AFF3: variants seen among roughly 807,000 people sequenced by gnomAD.
AFF3 encodes ALF transcription elongation factor 3, also known as AF4/FMR2 family member 3.
AFF3 carries 32 observed loss-of-function variants against 129.7 expected under a neutral mutation model. The ratio of observed to expected loss-of-function variants is 0.25; its 90% CI spans 0.19 to 0.33. The LOEUF is 0.33. Among genes scored for constraint, AFF3 ranks in the 10% least tolerant of loss-of-function variants. AFF3 has a pLI of 1.00. For missense variants in AFF3, 1,373 were observed against 1,592.0 expected (o/e 0.86, Z 2.34); for synonymous variants, 644 against 635.4 (o/e 1.01, Z -0.20).
intron 4 of AFF3, among the ~76,000 whole-genome samples, chr2:100,026,179 C>CAACA (rs1181177781): frequency 6.6e-6 from 1 of 151,952 alleles, no homozygotes; most frequent in Non-Finnish European, 1.5e-5. Flanking sequence ...CTAGAATCTA[C>CAACA]AACAAACAAA....
At chr2:99,711,929 G>A (rs985390446) in intron 11 of AFF3, among the ~76,000 whole-genome samples, 4 of 152,168 alleles carry the variant, frequency 2.6e-5, no homozygotes, top group South Asian at 2.1e-4. Flanking sequence ...TCAGAAAAAC[G>A]TTGGCACCTG....
chr2:100,018,032 G>A (rs62149317), intron 4 of AFF3, among the ~76,000 whole-genome samples: 25,864 of 149,828 alleles, frequency 0.17, 2,672 homozygotes, highest in African/African-American at 0.27. Context: ...GTGTGTGTGT[G>A]TATATATATA....
chr2:99,900,285 T>G (rs77410347), intron 7 of AFF3, among the ~76,000 whole-genome samples: 4,539 of 152,236 alleles, frequency 0.03, 95 homozygotes, highest in Non-Finnish European at 0.045. Flanking sequence ...TCACTTAAAT[T>G]ACCATACCCC....
intron 7 of AFF3, among the ~76,000 whole-genome samples, chr2:99,890,331 G>A (rs1358345617): frequency 6.6e-6 from 1 of 152,162 alleles, no homozygotes; most frequent in Non-Finnish European, 1.5e-5. Context: ...TACGTTCTGG[G>A]TTCTCATGCC....
intron 8 of AFF3, among the ~76,000 whole-genome samples, chr2:99,836,949 G>A (rs541338992): frequency 1.3e-5 from 2 of 152,188 alleles, no homozygotes; most frequent in Non-Finnish European, 1.5e-5. Context: ...CTGGTTCAGG[G>A]AGGGAACCCA....
intron 8 of AFF3, among the ~76,000 whole-genome samples, chr2:99,773,373 A>T (rs554107599): frequency 6.6e-6 from 1 of 152,334 alleles, no homozygotes; most frequent in East Asian, 1.9e-4. Flanking sequence ...TGATTCTTAA[A>T]CTACTTGCTG....
At chr2:99,843,955 G>A (rs1468830714) in intron 7 of AFF3, among the ~76,000 whole-genome samples, 5 of 152,054 alleles carry the variant, frequency 3.3e-5, no homozygotes, top group African/African-American at 7.2e-5. Flanking sequence ...ACTTGAACCC[G>A]GGAGGTGGAG....
intron 9 of AFF3, among the ~76,000 whole-genome samples, chr2:99,744,971 AGCAGTGAAACCATTTT>A (rs1165358644): frequency 6.6e-6 from 1 of 152,222 alleles, no homozygotes; most frequent in Non-Finnish European, 1.5e-5. Flanking sequence ...GATTTTCCAC[AGCAGTGAAACCATTTT>A]GCAATCCAAC....
intron 7 of AFF3, among the ~76,000 whole-genome samples, chr2:99,856,765 C>T (rs77339814): frequency 4.6e-5 from 7 of 152,186 alleles, no homozygotes; most frequent in Non-Finnish European, 5.9e-5. Flanking sequence ...CCCATTTAAA[C>T]CCAGGAACAT....
chr2:99,685,020 C>T (rs1674916335), intron 11 of AFF3, among the ~76,000 whole-genome samples: 1 of 150,992 alleles, frequency 6.6e-6, no homozygotes, highest in Non-Finnish European at 1.5e-5. Context: ...CTCACCACAA[C>T]CTCCGCCTCC....
rs1678934932 is a variant in AFF3, at chr2:99,593,423, G to A, written c.2238C>T (p.Val746=). ...KELEEQFYTL[V]PFGRNELLSP... ...AGAGAAGTTCGTTCCGGCCAAAGGGGACCAGTGTGTAGAACTGCTCCTCCA... is the reference window on the plus strand; with the variant it reads ...AGAGAAGTTCGTTCCGGCCAAAGGGAACCAGTGTGTAGAACTGCTCCTCCA... The change falls in exon 15 of 25, where the codon GTC becomes GTT. Residue 746 remains valine, a synonymous_variant. Coordinates refer to ENST00000672756, the MANE Select transcript of AFF3 (RefSeq NM_001386135.1). The A allele has an allele frequency of 3.1e-6, 5 of 1,613,862 alleles. No homozygotes were observed. Among genetic ancestry groups the A allele is most frequent in the Admixed American group, 1.7e-5 (1 of 59,984 alleles).
At chr2:99,731,706 T>C (rs575508403) in intron 10 of AFF3, among the ~76,000 whole-genome samples, 140 of 152,288 alleles carry the variant, frequency 9.2e-4, no homozygotes, top group Non-Finnish European at 1.6e-3. Flanking sequence ...TGTGACAATA[T>C]AAATATTAGT....
chr2:99,684,266 C>T (rs970670491), intron 11 of AFF3, among the ~76,000 whole-genome samples: 8 of 152,222 alleles, frequency 5.3e-5, no homozygotes, highest in Admixed American at 3.3e-4. Context: ...GGAATTTTAA[C>T]AACCTTATCC....
In AFF3 at chr2:99,940,139, CAT is replaced by C. The variant is rs1039035144; in HGVS notation, c.873+66491_873+66492del. Among the ~76,000 whole-genome samples the C allele has an allele frequency of 2.0e-4, 30 of 152,262 alleles. No homozygotes were observed. The Middle Eastern group carries it at 0.01, about 52-fold the overall frequency. ...CACCTGATGCTCCAGGGTTTCCAGA[CAT>C]GTGTGTGTGAGTGTGCACAGGGTCT... is the stretch of plus-strand genomic sequence containing the variant. On this transcript the variant is annotated intron_variant, in intron 7 of 24. Coordinates refer to ENST00000672756, the MANE Select transcript of AFF3 (RefSeq NM_001386135.1).
intron 11 of AFF3, among the ~76,000 whole-genome samples, chr2:99,678,116 C>T (rs951842692): frequency 3.3e-5 from 5 of 152,182 alleles, no homozygotes; most frequent in East Asian, 1.9e-4. Context: ...TGTCATTTTA[C>T]GTATTTTTAA....
intron 7 of AFF3, among the ~76,000 whole-genome samples, chr2:100,001,354 T>C (rs1472672948): frequency 3.3e-5 from 5 of 152,242 alleles, no homozygotes; most frequent in Non-Finnish European, 5.9e-5. Context: ...TTCAAATTTC[T>C]CATCACAAGA....
chr2:99,769,141 GCTATTTTCTA>G (rs1683259712), intron 8 of AFF3, among the ~76,000 whole-genome samples: 1 of 152,054 alleles, frequency 6.6e-6, no homozygotes, highest in South Asian at 2.1e-4. Context: ...CCCTTTAGAG[GCTATTTTCTA>G]CATCTTATAC....
intron 4 of AFF3, among the ~76,000 whole-genome samples, chr2:100,017,904 T>C (rs1028495624): frequency 6.6e-6 from 1 of 152,156 alleles, no homozygotes; most frequent in Non-Finnish European, 1.5e-5. Context: ...CTTTGACAAA[T>C]GGTACCTTCA....
chr2:99,849,548 C>T (rs1689988959), intron 7 of AFF3, among the ~76,000 whole-genome samples: 1 of 152,154 alleles, frequency 6.6e-6, no homozygotes, highest in South Asian at 2.1e-4. Flanking sequence ...ACAGTAACAG[C>T]ACCTACGAAA....
Sources: allele counts gnomAD v4.1 joint callset (sites outside exome capture counted in the v4.1 genomes callset), GRCh38; gene constraint gnomAD v4.1.1; transcripts MANE v1.5; gene names NCBI Gene and HGNC (gene_info 2026-07-23, HGNC 2026-07-21).